TRAPPC9: variants seen among roughly 807,000 people sequenced by gnomAD.
TRAPPC9 encodes the protein IKK2 binding protein.
TRAPPC9 carries 83 observed loss-of-function variants against 124.0 expected under a neutral mutation model. The ratio of observed to expected loss-of-function variants is 0.67; its 90% confidence interval spans 0.56 to 0.80. TRAPPC9 has a LOEUF of 0.80. TRAPPC9 is among the 30% of genes least tolerant of loss of function. The pLI is 0.00. For missense variants in TRAPPC9, 1,302 were observed against 1,508.3 expected (o/e 0.86, Z 2.27); for synonymous variants, 638 against 617.5 (o/e 1.03, Z -0.49).
chr8:139,859,908 C>A (rs1420869479), intron 21 of TRAPPC9, among the ~76,000 whole-genome samples: 4 of 152,212 alleles, frequency 2.6e-5, no homozygotes, highest in African/African-American at 7.2e-5. Context: ...GGGCCACAGA[C>A]CCCTTGGGAA....
At chr8:140,096,419 A>G (rs907011130) in intron 17 of TRAPPC9, 1 of 152,248 alleles carries the variant, frequency 6.6e-6, no homozygotes, top group Non-Finnish European at 1.5e-5. Context: ...CAGACTGCAG[A>G]CAGAAAAGCT....
intron 20 of TRAPPC9, chr8:139,904,520 G>A (rs1043627740): frequency 2.6e-5 from 4 of 152,246 alleles, no homozygotes; most frequent in African/African-American, 9.6e-5. Context: ...AGGGCCAGAA[G>A]CTATGTCTGC....
intron 17 of TRAPPC9, among the ~76,000 whole-genome samples, chr8:140,032,430 G>A (rs375515229): frequency 6.7e-6 from 1 of 150,258 alleles, no homozygotes; most frequent in East Asian, 2.0e-4. Flanking sequence ...CCTCCAGCCA[G>A]CACCACCTTG....
intron 17 of TRAPPC9, among the ~76,000 whole-genome samples, chr8:140,112,485 G>C (rs2060800166): frequency 2.0e-5 from 3 of 152,178 alleles, no homozygotes; most frequent in African/African-American, 7.2e-5. Flanking sequence ...GGTGTGAGAA[G>C]AGTAATGGAG....
chr8:139,844,072 A>G (rs1826908045), intron 21 of TRAPPC9, among the ~76,000 whole-genome samples: 2 of 152,154 alleles, frequency 1.3e-5, no homozygotes, highest in Non-Finnish European at 2.9e-5. Context: ...TCCAGGCTTC[A>G]GCGGCTTCCC....
At chr8:140,281,967 C>T (rs1417547069) in intron 14 of TRAPPC9, among the ~76,000 whole-genome samples, 1 of 152,124 alleles carries the variant, frequency 6.6e-6, no homozygotes, top group Non-Finnish European at 1.5e-5. Flanking sequence ...ACAGTCCTGA[C>T]GACAGTGCAC....
intron 19 of TRAPPC9, among the ~76,000 whole-genome samples, chr8:139,945,051 G>T (rs1193924372): frequency 6.6e-6 from 1 of 152,158 alleles, no homozygotes; most frequent in African/African-American, 2.4e-5. Context: ...TTGCACTCAG[G>T]AAGCGGAGGT....
chr8:139,958,371 C>T (rs1390592152), intron 19 of TRAPPC9, among the ~76,000 whole-genome samples: 6 of 152,172 alleles, frequency 3.9e-5, no homozygotes, highest in African/African-American at 9.7e-5. Flanking sequence ...GGAACCACAC[C>T]GTTCCCACAG....
At chr8:139,808,143 C>A (rs1343862614) in intron 21 of TRAPPC9, among the ~76,000 whole-genome samples, 1 of 152,192 alleles carries the variant, frequency 6.6e-6, no homozygotes, top group Admixed American at 6.5e-5. Flanking sequence ...ACTTCATGTA[C>A]CATGCAATTT....
chr8:139,921,349 C>A (rs1563923356), intron 19 of TRAPPC9, among the ~76,000 whole-genome samples: 1 of 152,148 alleles, frequency 6.6e-6, no homozygotes, highest in African/African-American at 2.4e-5. Context: ...ATCTTGCAGG[C>A]CCTAAACTCA....
At chr8:139,815,845 C>A (rs1014076958) in intron 21 of TRAPPC9, among the ~76,000 whole-genome samples, 2 of 152,232 alleles carry the variant, frequency 1.3e-5, no homozygotes, top group Admixed American at 6.5e-5. Context: ...GCTGCGTGTG[C>A]AAACACGGGT....
chr8:139,758,230 G>C (rs1308948365), intron 21 of TRAPPC9, among the ~76,000 whole-genome samples: 1 of 152,218 alleles, frequency 6.6e-6, no homozygotes, highest in East Asian at 1.9e-4. Context: ...TGGGGCTGGA[G>C]CAAATGCCAG....
At chr8:139,867,863 G>A (rs535187494) in intron 21 of TRAPPC9, among the ~76,000 whole-genome samples, 1 of 152,276 alleles carries the variant, frequency 6.6e-6, no homozygotes, top group African/African-American at 2.4e-5. Context: ...TTCTGCATGA[G>A]ACCCAAATCT....
At chr8:140,313,859 G>C (rs1299149035) in intron 9 of TRAPPC9, among the ~76,000 whole-genome samples, 3 of 152,140 alleles carry the variant, frequency 2.0e-5, no homozygotes, top group Non-Finnish European at 4.4e-5. Flanking sequence ...GTTGCTTCTT[G>C]GCTTTCCCCT....
rs552859472 is a variant in TRAPPC9, at chr8:139,730,414, C to T, written c.*647G>A. 1.4e-4 allele frequency: 21 copies of T among 153,034 alleles called. No homozygotes were observed. Among genetic ancestry groups the T allele is most frequent in the African/African-American group, 4.6e-4 (19 of 41,528 alleles). The allele number at this position is 153,034 out of a possible 1,614,324, so 9.5% of individuals were successfully genotyped here. A position where few individuals can be genotyped will look rare whatever the true frequency, so the allele number is the denominator to read the frequency against. Reference sequence around the variant, plus strand: ...CACACACAGCCATGGTAACCAGACGCCACCCTGGGGCCAGGGAGCACCCAG... The same window carrying T: ...CACACACAGCCATGGTAACCAGACGTCACCCTGGGGCCAGGGAGCACCCAG... On this transcript the variant is annotated 3_prime_UTR_variant, in exon 23 of 23. Transcript: ENST00000438773.
At position 139,910,305 on chromosome 8, in the gene TRAPPC9, G is replaced by A. The variant is rs534788967; in HGVS notation, c.2811-5C>T. On this transcript the variant is annotated splice_polypyrimidine_tract_variant and splice_region_variant and intron_variant, in intron 19 of 22. Coordinates refer to ENST00000438773, the MANE Select transcript of TRAPPC9 (RefSeq NM_001160372.4). Reference sequence around the variant, plus strand: ...TTGTCCACTTGAATAGCCATTCTACGAGAAAGGGGAAAACACAGCAGAGAA... The same window carrying A: ...TTGTCCACTTGAATAGCCATTCTACAAGAAAGGGGAAAACACAGCAGAGAA... The A allele has an allele frequency of 2.0e-4, 329 of 1,614,142 alleles. 8 individuals carry two copies. In the South Asian group the frequency reaches 3.2e-3, roughly 16 times the overall value.
At chr8:140,072,572 GAAGGAGGAGGAGGAGAAGGGAAGGAGGA>G (rs1353794860) in intron 17 of TRAPPC9, among the ~76,000 whole-genome samples, 7 of 33,480 alleles carry the variant, frequency 2.1e-4, no homozygotes, top group Admixed American at 1.6e-3. Context: ...GAGGAGAAAG[GAAGGAGGAGGAGGAGAAGGGAAGGAGGA>G]GGAGGAGGAG....
chr8:140,255,058 G>A (rs1563886431), intron 15 of TRAPPC9, among the ~76,000 whole-genome samples: 1 of 152,214 alleles, frequency 6.6e-6, no homozygotes, highest in African/African-American at 2.4e-5. Flanking sequence ...AGGTGTGCTC[G>A]ACCATGGCAC....
rs77618860 is a variant in TRAPPC9 at position 139,979,709 on chromosome 8, G to A, written c.2810+9017C>T. On this transcript the variant is annotated intron_variant, in intron 19 of 22. Coordinates refer to ENST00000438773, the MANE Select transcript of TRAPPC9 (RefSeq NM_001160372.4). ...CCCCATCCAAGAGACCCACAGTGTC[G>A]AGGAGGACAGGACAGCGCCCCTCAC... Among the ~76,000 whole-genome samples the A allele has an allele frequency of 1.0e-3, 155 of 152,066 alleles. 1 individual carries two copies. Among genetic ancestry groups the A allele is most frequent in the Non-Finnish European group, 7.1e-4 (48 of 68,010 alleles).
Sources: gnomAD v4.1 joint callset for allele counts (sites outside exome capture counted in the v4.1 genomes callset) on GRCh38, gnomAD v4.1.1 for gene constraint, MANE v1.5 for transcripts, NCBI Gene and HGNC (gene_info 2026-07-23, HGNC 2026-07-21) for gene names.